EVI5: variants seen among roughly 807,000 people sequenced by gnomAD.
EVI5 encodes the protein ecotropic viral integration site 5 protein homolog.
A neutral mutation model predicts 112.0 loss-of-function variants in EVI5; 73 were observed. That is an observed-to-expected ratio of 0.65 (90% CI 0.54 to 0.79). EVI5 has a LOEUF of 0.79. Among genes scored for constraint, EVI5 ranks in the 30% least tolerant of loss-of-function variants. EVI5 has a pLI of 0.00. For missense variants in EVI5, 900 were observed against 968.8 expected (o/e 0.93, Z 0.94); for synonymous variants, 305 against 319.9 (o/e 0.95, Z 0.50).
rs774619273 is a variant in EVI5 at position 92,783,483 on chromosome 1, T to TA, written c.-82+1352dup. On this transcript the variant is annotated intron_variant, in intron 1 of 19. Coordinates refer to ENST00000684568, the MANE Select transcript of EVI5 (RefSeq NM_001350197.2). ...TAGGCAACAGAGTGAGACTCAGCCT[T>TA]AAAAAAAAAAAAAAAAAAAAAAAAG... 2.9e-4 allele frequency among the ~76,000 whole-genome samples: 7 copies of TA among 24,256 alleles called. No individual in the cohort carries two copies. In the East Asian group the frequency reaches 9.4e-3, roughly 32 times the overall value. 15.9% of individuals were successfully genotyped at this position (24,256 alleles called of 152,430 possible). A position where few individuals can be genotyped will look rare whatever the true frequency, so the allele number is the denominator to read the frequency against.
intron 16 of EVI5, among the ~76,000 whole-genome samples, chr1:92,616,730 T>C (rs1653273665): frequency 6.6e-6 from 1 of 152,166 alleles, no homozygotes; most frequent in Non-Finnish European, 1.5e-5. Flanking sequence ...GAGAGACAGC[T>C]GTTGGCCTGT....
At chr1:92,651,989 T>C (rs1662211815) in intron 13 of EVI5, among the ~76,000 whole-genome samples, 1 of 152,194 alleles carries the variant, frequency 6.6e-6, no homozygotes, top group Non-Finnish European at 1.5e-5. Flanking sequence ...GCAACTCTAC[T>C]TCTAGGTATA....
At chr1:92,780,655 T>G (rs921071367) in intron 1 of EVI5, among the ~76,000 whole-genome samples, 2 of 152,050 alleles carry the variant, frequency 1.3e-5, no homozygotes, top group African/African-American at 2.4e-5. Context: ...ACAGTGCAGA[T>G]GGACAAGGAT....
intron 16 of EVI5, among the ~76,000 whole-genome samples, chr1:92,608,647 T>C (rs1344093951): frequency 6.6e-6 from 1 of 150,830 alleles, no homozygotes; most frequent in Non-Finnish European, 1.5e-5. Context: ...GAGGTTGCAG[T>C]GAGCTGAGAT....
chr1:92,660,808 G>T (rs1663863014), intron 13 of EVI5, among the ~76,000 whole-genome samples: 1 of 151,968 alleles, frequency 6.6e-6, no homozygotes, highest in Admixed American at 6.6e-5. Context: ...GCTGGGGTTG[G>T]GGGGTGGTGA....
chr1:92,779,447 G>T (rs561817309), intron 1 of EVI5, among the ~76,000 whole-genome samples: 1 of 152,010 alleles, frequency 6.6e-6, no homozygotes, highest in Admixed American at 6.6e-5. Context: ...GCTTGTACCC[G>T]GAAGATGGTG....
intron 19 of EVI5, among the ~76,000 whole-genome samples, chr1:92,540,950 T>A (rs1664693891): frequency 6.6e-6 from 1 of 152,158 alleles, no homozygotes; most frequent in Non-Finnish European, 1.5e-5. Flanking sequence ...GGCAGGCACC[T>A]GTAATCCAAG....
At chr1:92,546,705 A>G (rs941821111) in intron 19 of EVI5, among the ~76,000 whole-genome samples, 1 of 152,036 alleles carries the variant, frequency 6.6e-6, no homozygotes, top group Admixed American at 6.6e-5. Context: ...CAAAAAAAAT[A>G]AATAAATAAC....
intron 19 of EVI5, among the ~76,000 whole-genome samples, chr1:92,528,012 C>G (rs574921184): frequency 6.6e-6 from 1 of 152,308 alleles, no homozygotes; most frequent in East Asian, 1.9e-4. Flanking sequence ...TTAGTAAATA[C>G]TGCCAAACCA....
chr1:92,681,598 A>G (rs1368136979), intron 9 of EVI5, among the ~76,000 whole-genome samples: 4 of 152,156 alleles, frequency 2.6e-5, no homozygotes, highest in Non-Finnish European at 4.4e-5. Context: ...GCCAACCTTC[A>G]TTACAGCAAA....
At position 92,664,801 on chromosome 1, in the gene EVI5, A is replaced by G. The variant is rs538691585; in HGVS notation, c.1212+1138T>C. ...AAACGACAAATACTGCAAAATATCC[A>G]TATTTCCATTTATTTATTTCTTGAT... is the stretch of plus-strand genomic sequence containing the variant. On this transcript the variant is annotated intron_variant, in intron 11 of 19. Transcript: ENST00000684568. Among the ~76,000 whole-genome samples, 42 of 152,330 alleles carry G rather than the reference A, an allele frequency of 2.8e-4. No individual in the cohort carries two copies. In the South Asian group the frequency reaches 5.6e-3, roughly 20 times the overall value.
intron 18 of EVI5, among the ~76,000 whole-genome samples, chr1:92,597,690 A>G (rs1479938983): frequency 1.3e-5 from 2 of 152,244 alleles, no homozygotes; most frequent in Non-Finnish European, 2.9e-5. Flanking sequence ...TCAAATATCT[A>G]CTGGTCAAAT....
intron 16 of EVI5, among the ~76,000 whole-genome samples, chr1:92,614,316 GA>G (rs1344052614): frequency 6.6e-6 from 1 of 152,074 alleles, no homozygotes; most frequent in Non-Finnish European, 1.5e-5. Context: ...AAAAGGCAAG[GA>G]AAAACAAAGC....
At chr1:92,732,218 A>G in intron 2 of EVI5, 1 of 248,070 alleles carries the variant, frequency 4.0e-6, no homozygotes, top group Non-Finnish European at 7.9e-6. Flanking sequence ...CCGTGTTGAA[A>G]AACTTGTGGC....
chr1:92,713,546 C>A (rs1331056976), intron 2 of EVI5, among the ~76,000 whole-genome samples: 1 of 152,026 alleles, frequency 6.6e-6, no homozygotes, highest in African/African-American at 2.4e-5. Flanking sequence ...GAGGCTGAAA[C>A]GGGCCAATCG....
intron 1 of EVI5, among the ~76,000 whole-genome samples, chr1:92,754,104 G>C (rs1026422667): frequency 2.0e-5 from 3 of 152,080 alleles, no homozygotes; most frequent in African/African-American, 7.2e-5. Flanking sequence ...GTAGCTGAGA[G>C]GCTTACTTTA....
chr1:92,703,506 G>T lies in EVI5; in HGVS notation c.453C>A (p.Thr151=). Residue 151 remains threonine (T), a synonymous_variant, in exon 4 of 20, where the codon ACC becomes ACA. Coordinates refer to ENST00000684568, the MANE Select transcript of EVI5 (RefSeq NM_001350197.2). Reference sequence around the variant, plus strand: ...TTCGGATCAATTTTTCACAAGGCGAGGTCATTTTCAGGAGTTCTGAATACT... The same window carrying T: ...TTCGGATCAATTTTTCACAAGGCGATGTCATTTTCAGGAGTTCTGAATACT... ...KDQYSELLKM[T]SPCEKLIRRD... is the part of the protein sequence containing the mutation. 6.3e-7 allele frequency: 1 copy of T among 1,599,078 alleles called. No homozygotes were observed. Among genetic ancestry groups the T allele is most frequent in the Non-Finnish European group, 8.5e-7 (1 of 1,176,190 alleles).
chr1:92,539,927 T>C (rs1281846467), intron 19 of EVI5, among the ~76,000 whole-genome samples: 1 of 152,220 alleles, frequency 6.6e-6, no homozygotes, highest in African/African-American at 2.4e-5. Context: ...TATAAATTTA[T>C]CTATTCTGGA....
intron 16 of EVI5, among the ~76,000 whole-genome samples, chr1:92,614,688 G>A (rs569348582): frequency 3.3e-5 from 5 of 151,796 alleles, no homozygotes; most frequent in African/African-American, 9.7e-5. Flanking sequence ...TTTGGGACTC[G>A]GATTGGCTCT....
Sources: allele counts gnomAD v4.1 joint callset (sites outside exome capture counted in the v4.1 genomes callset), GRCh38; gene constraint gnomAD v4.1.1; transcripts MANE v1.5; gene names NCBI Gene and HGNC (gene_info 2026-07-23, HGNC 2026-07-21).